Variants in SLC39A11 observed in about 807,000 individuals in gnomAD.
SLC39A11 encodes the protein solute carrier family 39 member 11.
Under a neutral mutation model 36.1 loss-of-function variants are expected in SLC39A11, and 33 were observed. The ratio of observed to expected loss-of-function variants is 0.91; its 90% CI spans 0.69 to 1.22. The LOEUF (loss-of-function observed/expected upper bound fraction) is 1.22. Ranked by LOEUF, SLC39A11 falls within the 50% of genes most tolerant of loss-of-function variation. The pLI, the probability that SLC39A11 is intolerant of heterozygous loss-of-function variation, is 0.00. For synonymous variants in SLC39A11, 166 were observed against 170.3 expected (o/e 0.97, Z 0.20); for missense variants, 432 against 430.3 (o/e 1.00, Z -0.03).
At chr17:72,716,196 C>A (rs756984311) in intron 7 of SLC39A11, among the ~76,000 whole-genome samples, 6 of 152,098 alleles carry the variant, frequency 3.9e-5, no homozygotes, top group Non-Finnish European at 8.8e-5. Context: ...TGGCAGATGG[C>A]AGGGTAGGGC....
chr17:73,091,188 G>T (rs1364489704), intron 1 of SLC39A11, among the ~76,000 whole-genome samples: 1 of 152,214 alleles, frequency 6.6e-6, no homozygotes, highest in South Asian at 2.1e-4. Flanking sequence ...AGCACCTTGG[G>T]AGGCCAAGAC....
chr17:73,031,476 T>C (rs2058735862), intron 4 of SLC39A11, 80 bp downstream of exon 4: 2 of 1,483,750 alleles, frequency 1.3e-6, no homozygotes, highest in South Asian at 2.4e-5. Context: ...AACAGGTATG[T>C]CAGGTTTGAT....
intron 7 of SLC39A11, among the ~76,000 whole-genome samples, chr17:72,679,665 T>C (rs1274095057): frequency 6.6e-6 from 1 of 152,160 alleles, no homozygotes; most frequent in Admixed American, 6.6e-5. Context: ...CAGGAGGTAT[T>C]GATCTTGATT....
chr17:72,930,474 G>A (rs2084318315), intron 5 of SLC39A11, among the ~76,000 whole-genome samples: 1 of 152,168 alleles, frequency 6.6e-6, no homozygotes, highest in Non-Finnish European at 1.5e-5. Context: ...AAAGGGAAGA[G>A]CAGCACCATT....
At chr17:72,794,912 ACATCCACGACATTAG>A (rs1446768025) in intron 6 of SLC39A11, among the ~76,000 whole-genome samples, 1 of 152,110 alleles carries the variant, frequency 6.6e-6, no homozygotes, top group Non-Finnish European at 1.5e-5. Flanking sequence ...AGACCTGTCA[ACATCCACGACATTAG>A]CATCCACACT....
intron 5 of SLC39A11, among the ~76,000 whole-genome samples, chr17:72,865,161 CAGT>C (rs2080236300): frequency 6.6e-6 from 1 of 151,990 alleles, no homozygotes; most frequent in Admixed American, 6.5e-5. Context: ...ACACCAAAAC[CAGT>C]TCAGAGGTTG....
At chr17:73,005,178 G>A (rs563448442) in intron 4 of SLC39A11, among the ~76,000 whole-genome samples, 12 of 152,178 alleles carry the variant, frequency 7.9e-5, no homozygotes, top group Admixed American at 2.6e-4. Context: ...AGGTTTCACC[G>A]TATTGGCCAG....
intron 1 of SLC39A11, chr17:73,092,326 G>A (rs947054883): frequency 3.3e-5 from 5 of 152,228 alleles, no homozygotes; most frequent in African/African-American, 1.2e-4. Flanking sequence ...GAGGATTTGG[G>A]TTAGGACTGT....
At chr17:72,822,342 AG>A (rs896088359) in intron 6 of SLC39A11, among the ~76,000 whole-genome samples, 2 of 148,488 alleles carry the variant, frequency 1.3e-5, no homozygotes, top group African/African-American at 4.9e-5. Context: ...AGAGAGAGAA[AG>A]AATATATATA....
At chr17:73,068,525 T>A (rs1029351536) in intron 3 of SLC39A11, among the ~76,000 whole-genome samples, 1 of 152,168 alleles carries the variant, frequency 6.6e-6, no homozygotes, top group Non-Finnish European at 1.5e-5. Flanking sequence ...TAAGTAAGCC[T>A]AAGAGACCCC....
chr17:72,674,198 G>C (rs1889792144), intron 7 of SLC39A11, among the ~76,000 whole-genome samples: 1 of 151,750 alleles, frequency 6.6e-6, no homozygotes, highest in Non-Finnish European at 1.5e-5. Context: ...GTCTTCTTTG[G>C]TCCTGTTTTA....
chr17:72,959,337 A>G lies in SLC39A11; in HGVS notation c.307-11462T>C, dbSNP rs1432793270. On this transcript the variant is annotated intron_variant, in intron 4 of 9. Coordinates refer to ENST00000255559, the MANE Select transcript of SLC39A11 (RefSeq NM_139177.4). ...TGTGTGTGTGTGTGTATATATATAT[A>G]TATATATATATATATATATATATAT... Among the ~76,000 whole-genome samples the G allele has an allele frequency of 5.7e-3, 719 of 125,946 alleles. 11 individuals carry two copies. Among genetic ancestry groups the G allele is most frequent in the Admixed American group, 0.021 (275 of 12,886 alleles). 82.6% of individuals were successfully genotyped at this position (125,946 alleles called of 152,430 possible). A position where few individuals can be genotyped will look rare whatever the true frequency, so the allele number is the denominator to read the frequency against.
chr17:72,894,382 A>C (rs1257292258), intron 5 of SLC39A11, among the ~76,000 whole-genome samples: 1 of 149,080 alleles, frequency 6.7e-6, no homozygotes, highest in African/African-American at 2.5e-5. Context: ...AAAAAAAAAA[A>C]AAAAAGGCCA....
intron 7 of SLC39A11, among the ~76,000 whole-genome samples, chr17:72,686,824 G>A (rs945357108): frequency 1.1e-4 from 17 of 152,278 alleles, no homozygotes; most frequent in East Asian, 1.9e-4. Context: ...AAACAGGGGC[G>A]TAATGGGACC....
chr17:72,670,798 A>G (rs2070990929), intron 7 of SLC39A11, among the ~76,000 whole-genome samples: 1 of 152,312 alleles, frequency 6.6e-6, no homozygotes, highest in Admixed American at 6.5e-5. Flanking sequence ...TGGCATCCCA[A>G]GTATTTCTGG....
At chr17:72,786,060 A>G (rs1315254239) in intron 6 of SLC39A11, among the ~76,000 whole-genome samples, 2 of 152,182 alleles carry the variant, frequency 1.3e-5, no homozygotes, top group East Asian at 3.9e-4. Context: ...ATTATCAGAA[A>G]CCGACAGGGA....
intron 7 of SLC39A11, among the ~76,000 whole-genome samples, chr17:72,670,297 G>A (rs918243467): frequency 1.1e-4 from 16 of 151,472 alleles, no homozygotes; most frequent in African/African-American, 3.9e-4. Context: ...CTTGAGGCTG[G>A]GAGGTCAGGG....
At chr17:72,772,883 A>C (rs2075999282) in intron 6 of SLC39A11, among the ~76,000 whole-genome samples, 1 of 152,180 alleles carries the variant, frequency 6.6e-6, no homozygotes, top group Non-Finnish European at 1.5e-5. Flanking sequence ...CAGGAGTTCA[A>C]GACCAGCCTG....
chr17:73,051,392 A>G (rs1423085688), intron 3 of SLC39A11, among the ~76,000 whole-genome samples: 2 of 152,134 alleles, frequency 1.3e-5, no homozygotes, highest in Non-Finnish European at 2.9e-5. Context: ...TTCTGTGCAG[A>G]CAGGAATTTG....
Sources: gnomAD v4.1 joint callset for allele counts (sites outside exome capture counted in the v4.1 genomes callset) on GRCh38, gnomAD v4.1.1 for gene constraint, MANE v1.5 for transcripts, NCBI Gene and HGNC (gene_info 2026-07-23, HGNC 2026-07-21) for gene names.